Variants in PDXDC1 observed in about 807,000 individuals in gnomAD.
The protein encoded by PDXDC1 is pyridoxal dependent decarboxylase domain containing 1.
Under a neutral mutation model 100.1 loss-of-function variants are expected in PDXDC1, and 42 were observed. The ratio of observed to expected loss-of-function variants is 0.42; its 90% CI spans 0.33 to 0.54. The LOEUF (loss-of-function observed/expected upper bound fraction) is 0.54. PDXDC1 is among the 20% of genes least tolerant of loss of function. The pLI is 0.10. For synonymous variants in PDXDC1, 260 were observed against 371.7 expected, an observed-to-expected ratio of 0.70 and a Z score of 3.46; for missense variants, 636 against 979.2, an observed-to-expected ratio of 0.65 and a Z score of 4.68.
Position 15,037,819 on chromosome 16 carries a change from T to C in PDXDC1, c.*1544T>C. On this transcript the variant is annotated 3_prime_UTR_variant, in exon 23 of 23. Coordinates refer to ENST00000396410, the MANE Select transcript of PDXDC1 (RefSeq NM_015027.4). ...GACCAAAAAAAAAACTGGACATCAATTTTTTAGTAAACCAAAAAATAAGTC... is the reference window on the plus strand; with the variant it reads ...GACCAAAAAAAAAACTGGACATCAACTTTTTAGTAAACCAAAAAATAAGTC... The C allele has an allele frequency of 2.2e-6, 1 of 463,300 alleles. No homozygotes were observed. The highest frequency in any genetic ancestry group is 3.8e-6 in the Non-Finnish European group (1 of 263,720). 28.7% of individuals were successfully genotyped at this position (463,300 alleles called of 1,614,324 possible). A position where few individuals can be genotyped will look rare whatever the true frequency, so the allele number is the denominator to read the frequency against.
chr16:15,149,644 G>A, the PDXDC1 span, among the ~76,000 whole-genome samples: 1 of 152,232 alleles, frequency 6.6e-6, no homozygotes, highest in African/African-American at 2.4e-5. Context: ...GTGGGAAAGG[G>A]CAAGGCCCTG....
intron 16 of PDXDC1, among the ~76,000 whole-genome samples, chr16:15,075,390 C>G (rs776210878): frequency 1.6e-4 from 25 of 151,592 alleles, no homozygotes; most frequent in Non-Finnish European, 3.2e-4. Context: ...CTGGGCAACA[C>G]AGTGAGACCT....
In PDXDC1 at chr16:15,043,365, G is replaced by A. The variant is rs115664374; in HGVS notation, c.1399+13309G>A. Among the ~76,000 whole-genome samples, 255 of 152,296 alleles carry A rather than the reference G, an allele frequency of 1.7e-3. 3 individuals are homozygous for A. Among genetic ancestry groups the A allele is most frequent in the African/African-American group, 5.1e-3 (214 of 41,570 alleles). ...ATGAACCTTTTTTAAGAGTTATGGC[G>A]AGACCCTGTCTCCACAAAAAATTTA... On this transcript the variant is annotated intron_variant, in intron 16 of 16. Transcript: ENST00000535621.
chr16:15,051,965 C>G (rs773305127), intron 16 of PDXDC1, among the ~76,000 whole-genome samples: 6 of 152,050 alleles, frequency 3.9e-5, no homozygotes, highest in Non-Finnish European at 5.9e-5. Context: ...TGCAAGTAGT[C>G]CCAGTTTTCT....
At chr16:15,041,709 A>G, downstream of PDXDC1, 1 of 1,530,176 alleles carries the variant, frequency 6.5e-7, no homozygotes, top group Non-Finnish European at 9.1e-7. Flanking sequence ...AGAAGTCAGA[A>G]AAGTTCCTCT....
At chr16:14,979,477 A>G (rs1030096580) in intron 1 of PDXDC1, among the ~76,000 whole-genome samples, 1 of 152,290 alleles carries the variant, frequency 6.6e-6, no homozygotes, top group Non-Finnish European at 1.5e-5. Context: ...TTTAGTAGGG[A>G]TGGGATTTCA....
At chr16:15,040,213 A>G (rs563011468), downstream of PDXDC1, 1 of 451,702 alleles carries the variant, frequency 2.2e-6, no homozygotes, top group Non-Finnish European at 3.9e-6. Context: ...CCCTCCCTGG[A>G]GGGGGAAAAT....
intron 16 of PDXDC1, chr16:15,055,740 C>T (rs2044484243): frequency 1.7e-5 from 7 of 401,236 alleles, no homozygotes; most frequent in Non-Finnish European, 3.0e-5. Flanking sequence ...AACTCCCCGA[C>T]CCCTCAAGGG....
At chr16:14,983,752 AC>A (rs1472334120) in intron 1 of PDXDC1, among the ~76,000 whole-genome samples, 2 of 152,254 alleles carry the variant, frequency 1.3e-5, no homozygotes, top group Non-Finnish European at 2.9e-5. Context: ...ACATCAATTT[AC>A]TCCCCCTTTA....
chr16:15,148,457 C>T, the PDXDC1 span, among the ~76,000 whole-genome samples: 2 of 139,840 alleles, frequency 1.4e-5, no homozygotes, highest in African/African-American at 2.7e-5. Flanking sequence ...GATCACAGCT[C>T]ACTGCAGCCT....
intron 16 of PDXDC1, among the ~76,000 whole-genome samples, chr16:15,056,790 T>C (rs2044541133): frequency 1.3e-5 from 2 of 152,132 alleles, no homozygotes; most frequent in Admixed American, 6.5e-5. Flanking sequence ...ATAATAAAAA[T>C]AAATGTAAAC....
intron 13 of PDXDC1, among the ~76,000 whole-genome samples, chr16:15,024,316 A>G (rs1385630713): frequency 2.6e-5 from 4 of 152,180 alleles, no homozygotes; most frequent in African/African-American, 9.6e-5. Context: ...ACCTTACATG[A>G]ATTATTTCAT....
At chr16:15,146,840 G>C in the PDXDC1 span, among the ~76,000 whole-genome samples, 1 of 152,008 alleles carries the variant, frequency 6.6e-6, no homozygotes, top group East Asian at 1.9e-4. Flanking sequence ...GGGGCTGCCA[G>C]TGGCTGAGCC....
At chr16:15,065,447 G>A (rs1235210280) in intron 16 of PDXDC1, 1 of 1,297,578 alleles carries the variant, frequency 7.7e-7, no homozygotes, top group Non-Finnish European at 1.1e-6. Context: ...AGCTGCGTGT[G>A]ACAACTGTAC....
intron 16 of PDXDC1, chr16:15,137,596 C>A: frequency 7.3e-7 from 1 of 1,365,248 alleles, no homozygotes; most frequent in South Asian, 1.2e-5. Flanking sequence ...CCACCCCACA[C>A]ACCCCCATCC....
intron 16 of PDXDC1, chr16:15,062,040 G>T: frequency 1.1e-6 from 1 of 903,414 alleles, no homozygotes; most frequent in Non-Finnish European, 1.7e-6. Flanking sequence ...GAAAGCCAGT[G>T]TAGTGGCACA....
chr16:15,015,305 A>T (rs974421737), intron 8 of PDXDC1, among the ~76,000 whole-genome samples: 1 of 152,292 alleles, frequency 6.6e-6, no homozygotes, highest in East Asian at 1.9e-4. Flanking sequence ...ACAATAAAAT[A>T]AAAAGGTGGA....
intron 16 of PDXDC1, chr16:15,127,585 A>G (rs200426600): frequency 0.041 from 55,402 of 1,348,872 alleles, 752 homozygotes; most frequent in Non-Finnish European, 0.05. Context: ...CAGCCTGGAC[A>G]CATGCCCCGT....
At chr16:15,064,633 T>G (rs974302209) in intron 16 of PDXDC1, among the ~76,000 whole-genome samples, 6 of 152,150 alleles carry the variant, frequency 3.9e-5, no homozygotes, top group African/African-American at 1.4e-4. Flanking sequence ...TAAATAACAG[T>G]TTAAAGAAAA....
Sources: allele counts gnomAD v4.1 joint callset (sites outside exome capture counted in the v4.1 genomes callset), GRCh38; gene constraint gnomAD v4.1.1; transcripts MANE v1.5; gene names NCBI Gene and HGNC (gene_info 2026-07-23, HGNC 2026-07-21).